The following ATP2B4 variants were observed in gnomAD, a reference collection of about 807,000 sequenced individuals.
ATP2B4 encodes the protein plasma membrane calcium-transporting ATPase 4.
In ATP2B4, 39 loss-of-function variants were observed where a neutral mutation model predicts 110.3. That is an observed-to-expected ratio of 0.35 (90% CI 0.27 to 0.46). ATP2B4 has a LOEUF of 0.46. ATP2B4 is among the 20% of genes least tolerant of loss of function. The probability of loss-of-function intolerance (pLI) is 1.00; values close to 1 mark genes in which losing one functional copy is unlikely to be tolerated. For synonymous variants in ATP2B4, 538 were observed against 571.7 expected, an observed-to-expected ratio of 0.94 and a Z score of 0.84; for missense variants, 1,135 against 1,530.9, an observed-to-expected ratio of 0.74 and a Z score of 4.32.
chr1:203,669,919 C>T (rs1183201495), intron 1 of ATP2B4, among the ~76,000 whole-genome samples: 7 of 152,228 alleles, frequency 4.6e-5, no homozygotes, highest in Non-Finnish European at 1.0e-4. Context: ...ATACTCTCCA[C>T]TTTCTCTCCC....
At position 203,721,304 on chromosome 1, in the gene ATP2B4, G is replaced by A; in HGVS notation, c.2706G>A (p.Arg902=). ...CCCCTACGGAATCTCTGTTGAAGCG[G>A]CGCCCCTATGGCCGAAATAAGCCTC... The part of the protein sequence containing the change: ...TEPPTESLLK[R]RPYGRNKPLI... The change falls in exon 17 of 21, where the codon CGG becomes CGA. Residue 902 remains arginine (R), a synonymous_variant. Coordinates refer to ENST00000357681, the MANE Select transcript of ATP2B4 (RefSeq NM_001684.5). The A allele has an allele frequency of 6.2e-7, 1 of 1,614,226 alleles. No individual in the cohort carries two copies. Among genetic ancestry groups the A allele is most frequent in the Non-Finnish European group, 8.5e-7 (1 of 1,180,046 alleles).
chr1:203,700,784 C>A lies in ATP2B4; in HGVS notation c.776-14C>A. 1 of 1,612,686 alleles carries A rather than the reference C, an allele frequency of 6.2e-7. No individual in the cohort carries two copies. The highest frequency in any genetic ancestry group is 1.1e-5 in the South Asian group (1 of 90,936). On this transcript the variant is annotated splice_polypyrimidine_tract_variant and intron_variant, in intron 5 of 20. Coordinates refer to ENST00000357681, the MANE Select transcript of ATP2B4 (RefSeq NM_001684.5). The stretch of plus-strand genomic sequence containing the variant: ...AAAAACCCATTCCTTCCCATCTTCT[C>A]CTTTCCCGTGTAGGGACCCATGTCA...
rs1667023733 is a variant in ATP2B4 at position 203,743,004 on chromosome 1, A to G, written c.*3150A>G. On this transcript the variant is annotated 3_prime_UTR_variant, in exon 21 of 21. Transcript: ENST00000357681. The stretch of plus-strand genomic sequence containing the variant: ...CTTAAGGCTAGATCCTTCCCATAGT[A>G]TCATCTGTCCTCTGGAATGACTCTC... The G allele has an allele frequency of 6.6e-6, 1 of 152,656 alleles. No individual in the cohort carries two copies. Among genetic ancestry groups the G allele is most frequent in the Non-Finnish European group, 1.5e-5 (1 of 68,048 alleles). 9.5% of individuals were successfully genotyped at this position (152,656 alleles called of 1,614,324 possible).
chr1:203,646,218 TTCCCTTTCAAAAAAAGAAAGTA>T (rs1181448124), intron 1 of ATP2B4, among the ~76,000 whole-genome samples: 155 of 134,612 alleles, frequency 1.2e-3, no homozygotes, highest in Admixed American at 1.9e-3. Context: ...CATTCCTATC[TTCCCTTTCAAAAAAAGAAAGTA>T]AGGCTCAAGA....
intron 4 of ATP2B4, among the ~76,000 whole-genome samples, 200 bp downstream of exon 4, chr1:203,699,917 C>T (rs1244066546): frequency 6.6e-6 from 1 of 152,208 alleles, no homozygotes; most frequent in Non-Finnish European, 1.5e-5. Context: ...GCAAGATTGT[C>T]AGACTTGTAC....
At chr1:203,647,033 A>G (rs1285109948) in intron 1 of ATP2B4, among the ~76,000 whole-genome samples, 1 of 152,024 alleles carries the variant, frequency 6.6e-6, no homozygotes, top group Non-Finnish European at 1.5e-5. Flanking sequence ...GATCATGAGC[A>G]TTTTCCCACA....
intron 19 of ATP2B4, among the ~76,000 whole-genome samples, chr1:203,725,845 T>C (rs978683076): frequency 4.6e-5 from 7 of 151,896 alleles, no homozygotes; most frequent in Non-Finnish European, 5.9e-5. Context: ...AACCTGCTAG[T>C]TATTTATTTC....
At chr1:203,651,175 G>T (rs1663981573) in intron 1 of ATP2B4, among the ~76,000 whole-genome samples, 1 of 152,220 alleles carries the variant, frequency 6.6e-6, no homozygotes, top group Middle Eastern at 3.4e-3. Context: ...GGCTGTCTTT[G>T]ATCATACAAG....
At chr1:203,721,498 G>T in intron 17 of ATP2B4, 88 bp downstream of exon 17, 1 of 1,363,544 alleles carries the variant, frequency 7.3e-7, no homozygotes. Context: ...AAGTGCACAG[G>T]TCAGGAATAA....
chr1:203,629,012 C>T lies in ATP2B4; in HGVS notation c.-465+1793C>T, dbSNP rs1296592240. Among the ~76,000 whole-genome samples, 1 of 152,132 alleles carries T rather than the reference C, an allele frequency of 6.6e-6. No homozygotes were observed. The highest frequency in any genetic ancestry group is 2.4e-5 in the African/African-American group (1 of 41,414). On this transcript the variant is annotated intron_variant, in intron 1 of 20. Transcript: ENST00000357681. This position sits in a 1 kb window ranked among gnomAD's most constrained non-coding sequence, Gnocchi z 4.6. The stretch of plus-strand genomic sequence containing the variant: ...CTGGGGGAGAGGAAACACCTGCCTT[C>T]AGCCCCAGGGCTTGGAGGAGTGGTA...
At chr1:203,723,742 C>T in intron 18 of ATP2B4, 139 bp from the exon 19 acceptor site, 1 of 626,300 alleles carries the variant, frequency 1.6e-6, no homozygotes, top group Non-Finnish European at 2.7e-6. Context: ...TCTTCTTTTC[C>T]CTTCCCCTGC....
Position 203,711,013 on chromosome 1 carries a change from G to A in ATP2B4, c.1936G>A (p.Asp646Asn), listed in dbSNP as rs373490438. 94 of 1,613,948 alleles carry A rather than the reference G, an allele frequency of 5.8e-5. 1 individual carries two copies. Among genetic ancestry groups the A allele is most frequent in the East Asian group, 2.9e-4 (13 of 44,880 alleles). ...RTICIAYRDF[D>N]DTEPSWDNEN... ...TATCTGCATAGCTTACCGGGACTTC[G>A]ATGACACAGAGCCCTCTTGGGACAA... The change falls in exon 12 of 21, where the codon GAT becomes AAT. Residue 646 changes from aspartate to asparagine, a missense_variant. By Grantham distance (23) the Asp-to-Asn change is conservative. Transcript: ENST00000357681.
intron 1 of ATP2B4, among the ~76,000 whole-genome samples, chr1:203,676,859 C>A (rs1247783261): frequency 6.6e-6 from 1 of 152,016 alleles, no homozygotes; most frequent in African/African-American, 2.4e-5. Context: ...AGGGTGTCTG[C>A]TCCCAAAAAG....
intron 1 of ATP2B4, among the ~76,000 whole-genome samples, chr1:203,633,947 G>A (rs933565474): frequency 6.6e-6 from 1 of 152,098 alleles, no homozygotes; most frequent in Non-Finnish European, 1.5e-5. Flanking sequence ...CTACTCGGGA[G>A]GCTGAGGCAG....
chr1:203,638,397 C>G (rs1035310227), intron 1 of ATP2B4, among the ~76,000 whole-genome samples: 1 of 152,176 alleles, frequency 6.6e-6, no homozygotes, highest in Non-Finnish European at 1.5e-5. Flanking sequence ...TTACAGCCTT[C>G]TTTGTGGGGA....
intron 1 of ATP2B4, among the ~76,000 whole-genome samples, chr1:203,642,581 T>G (rs2102307186): frequency 6.6e-6 from 1 of 152,344 alleles, no homozygotes; most frequent in South Asian, 2.1e-4. Context: ...TGCTGAAGTC[T>G]TATATTGATA....
rs757258138 is a variant in ATP2B4, at chr1:203,721,292, T to A, written c.2694T>A (p.Ser898=). ...TGGCCACAGAGCCCCCTACGGAATCTCTGTTGAAGCGGCGCCCCTATGGCC... is the reference window on the plus strand; with the variant it reads ...TGGCCACAGAGCCCCCTACGGAATCACTGTTGAAGCGGCGCCCCTATGGCC... ...LALATEPPTE[S]LLKRRPYGRN... is the part of the protein sequence containing the mutation. Residue 898 remains serine (S), a synonymous_variant, in exon 17 of 21, where the codon TCT becomes TCA. Transcript: ENST00000357681. 13 of 1,614,100 alleles carry A rather than the reference T, an allele frequency of 8.1e-6. No individual in the cohort carries two copies. The highest frequency in any genetic ancestry group is 1.7e-5 in the Admixed American group (1 of 60,010).
chr1:203,688,671 G>A (rs1013888951), intron 2 of ATP2B4, among the ~76,000 whole-genome samples: 1 of 152,106 alleles, frequency 6.6e-6, no homozygotes, highest in Non-Finnish European at 1.5e-5. Flanking sequence ...AAGAGGAGTT[G>A]CCCCAGTGGC....
chr1:203,639,126 G>C (rs1455724352), intron 1 of ATP2B4, among the ~76,000 whole-genome samples: 2 of 152,182 alleles, frequency 1.3e-5, no homozygotes, highest in Non-Finnish European at 2.9e-5. Context: ...AGGGGAAGGA[G>C]GGGAAGCACT....
Sources: gnomAD v4.1 joint callset for allele counts (sites outside exome capture counted in the v4.1 genomes callset) on GRCh38, gnomAD v4.1.1 for gene constraint, Gnocchi (gnomAD v3.1) non-coding constraint, MANE v1.5 for transcripts, NCBI Gene and HGNC (gene_info 2026-07-23, HGNC 2026-07-21) for gene names.